The following ROBO1 variants were observed in gnomAD, a reference collection of about 807,000 sequenced individuals.
ROBO1 encodes roundabout guidance receptor 1.
A neutral mutation model predicts 195.9 loss-of-function variants in ROBO1; 149 were observed. The observed-to-expected ratio is 0.76, with a 90% CI of 0.67 to 0.87. The LOEUF (loss-of-function observed/expected upper bound fraction) is 0.87. ROBO1 is among the 40% of genes least tolerant of loss of function. The probability of loss-of-function intolerance (pLI) is 0.00; values close to 1 mark genes in which losing one functional copy is unlikely to be tolerated. For synonymous variants in ROBO1, 816 were observed against 733.2 expected, an observed-to-expected ratio of 1.11 and a Z score of -1.82; for missense variants, 1,933 against 2,068.3, an observed-to-expected ratio of 0.93 and a Z score of 1.27.
chr3:78,911,958 T>G (rs2038270629), intron 4 of ROBO1, among the ~76,000 whole-genome samples: 1 of 151,996 alleles, frequency 6.6e-6, no homozygotes, highest in South Asian at 2.1e-4. Context: ...ATACTGTAGT[T>G]TAAACAAGAG....
At chr3:78,852,909 C>T (rs909646186) in intron 4 of ROBO1, among the ~76,000 whole-genome samples, 3 of 152,010 alleles carry the variant, frequency 2.0e-5, no homozygotes, top group South Asian at 2.1e-4. Flanking sequence ...ATACTATTCA[C>T]GGTAGCCACT....
At chr3:79,250,455 T>C (rs1416793369) in intron 2 of ROBO1, among the ~76,000 whole-genome samples, 2 of 152,164 alleles carry the variant, frequency 1.3e-5, no homozygotes, top group African/African-American at 4.8e-5. Flanking sequence ...TTGTATATTC[T>C]TTACATCTGA....
At chr3:78,966,801 T>C (rs2076654262) in intron 3 of ROBO1, among the ~76,000 whole-genome samples, 1 of 152,214 alleles carries the variant, frequency 6.6e-6, no homozygotes, top group African/African-American at 2.4e-5. Context: ...GGACAAATGC[T>C]ACACTTCATC....
chr3:79,002,727 C>T (rs2077534098), intron 3 of ROBO1, among the ~76,000 whole-genome samples: 1 of 152,102 alleles, frequency 6.6e-6, no homozygotes, highest in Admixed American at 6.6e-5. Context: ...CTTTCAATTT[C>T]ATCTTTGCTT....
chr3:79,418,810 G>C (rs2106918886), intron 2 of ROBO1, among the ~76,000 whole-genome samples: 1 of 152,094 alleles, frequency 6.6e-6, no homozygotes, highest in South Asian at 2.1e-4. Flanking sequence ...AAACTTAGAA[G>C]ATAAATAAAA....
chr3:79,306,479 G>GGCCCTAACT (rs1235766906), intron 2 of ROBO1, among the ~76,000 whole-genome samples: 19 of 152,212 alleles, frequency 1.2e-4, no homozygotes, highest in Admixed American at 8.5e-4. Context: ...ATTTGTGATC[G>GGCCCTAACT]GCCCTAACTG....
In ROBO1 at chr3:79,233,649, G is replaced by A. The variant is rs564978210; in HGVS notation, c.89-108110C>T. 9.2e-5 allele frequency among the ~76,000 whole-genome samples: 14 copies of A among 152,076 alleles called. 1 individual carries two copies. The East Asian group carries it at 2.7e-3, about 29-fold the overall frequency. On this transcript the variant is annotated intron_variant, in intron 2 of 30. Transcript: ENST00000464233. The stretch of plus-strand genomic sequence containing the variant: ...GTGTAGCATTCTTGAATCAAGCAAG[G>A]CAACGGGAAGTCACATCCACTCACC...
At chr3:79,274,404 G>A (rs1021593037) in intron 2 of ROBO1, among the ~76,000 whole-genome samples, 14 of 151,872 alleles carry the variant, frequency 9.2e-5, no homozygotes, top group African/African-American at 3.1e-4. Flanking sequence ...AATGACCTGC[G>A]GGTCAATGAA....
intron 3 of ROBO1, among the ~76,000 whole-genome samples, chr3:79,080,649 T>C (rs2079255729): frequency 6.6e-6 from 1 of 152,040 alleles, no homozygotes; most frequent in Non-Finnish European, 1.5e-5. Flanking sequence ...TTAAAACATG[T>C]TTGATCCTTC....
chr3:79,037,533 A>G lies in ROBO1; in HGVS notation c.172+87923T>C, dbSNP rs149573871. ...TCTTTTTTGATGTCAGAAGGAATAA[A>G]TATTCATAAAACTTGTTGCAGAATT... On this transcript the variant is annotated intron_variant, in intron 3 of 30. Transcript: ENST00000464233. 3.9e-3 allele frequency among the ~76,000 whole-genome samples: 593 copies of G among 152,302 alleles called. 5 individuals carry two copies. The highest frequency in any genetic ancestry group is 0.014 in the African/African-American group (569 of 41,588).
intron 2 of ROBO1, among the ~76,000 whole-genome samples, chr3:79,584,278 A>ATATATC (rs1315647554): frequency 2.0e-5 from 3 of 146,894 alleles, no homozygotes; most frequent in Non-Finnish European, 4.5e-5. Flanking sequence ...ATATATATAT[A>ATATATC]TTACTACATA....
chr3:78,697,987 T>C (rs1355546222), intron 8 of ROBO1, among the ~76,000 whole-genome samples: 3 of 152,122 alleles, frequency 2.0e-5, no homozygotes, highest in Non-Finnish European at 4.4e-5. Flanking sequence ...AATTCATAGA[T>C]ATAAGTTTTC....
In ROBO1 at chr3:79,474,932, C is replaced by T. The variant is rs188051939; in HGVS notation, c.88+114892G>A. ...TTTGTTAATTTCTGTTCCTTAATTG[C>T]TAGGTGATTTTGGAAAAGGTAACGC... On this transcript the variant is annotated intron_variant, in intron 2 of 30. Coordinates refer to ENST00000464233, the MANE Select transcript of ROBO1 (RefSeq NM_002941.4). Among the ~76,000 whole-genome samples the T allele has an allele frequency of 3.3e-3, 497 of 152,022 alleles. 2 individuals are homozygous for T. Among genetic ancestry groups the T allele is most frequent in the African/African-American group, 0.011 (438 of 41,506 alleles).
rs1702896788 is a variant in ROBO1, at chr3:79,725,754, A to G, written c.-51+41998T>C. 1.3e-5 allele frequency among the ~76,000 whole-genome samples: 2 copies of G among 152,302 alleles called. 1 individual carries two copies. The highest frequency in any genetic ancestry group is 4.1e-4 in the South Asian group (2 of 4,828). On this transcript the variant is annotated intron_variant, in intron 1 of 30. Coordinates refer to ENST00000464233, the MANE Select transcript of ROBO1 (RefSeq NM_002941.4). Reference sequence around the variant, plus strand: ...TGTATGTCTTCTGTAATCTGCAGCTAAAAGCATCTTTACTGATAAGCTTGC... The same window carrying G: ...TGTATGTCTTCTGTAATCTGCAGCTGAAAGCATCTTTACTGATAAGCTTGC...
intron 2 of ROBO1, among the ~76,000 whole-genome samples, chr3:79,283,731 T>C (rs896374059): frequency 6.7e-6 from 1 of 150,240 alleles, no homozygotes; most frequent in African/African-American, 2.5e-5. Flanking sequence ...GGAGTCTCGC[T>C]CTGTCGCCCA....
At chr3:79,260,663 C>T (rs1180084058) in intron 2 of ROBO1, among the ~76,000 whole-genome samples, 1 of 152,148 alleles carries the variant, frequency 6.6e-6, no homozygotes, top group Non-Finnish European at 1.5e-5. Context: ...TTGAATCAGA[C>T]AGCAGAGCTG....
intron 2 of ROBO1, among the ~76,000 whole-genome samples, chr3:79,588,772 T>C (rs979856498): frequency 4.0e-5 from 6 of 151,714 alleles, no homozygotes; most frequent in African/African-American, 1.4e-4. Context: ...AATCATTAAA[T>C]GTATTTTATT....
intron 2 of ROBO1, among the ~76,000 whole-genome samples, chr3:79,509,679 G>A (rs759650585): frequency 1.1e-4 from 16 of 152,032 alleles, no homozygotes; most frequent in African/African-American, 3.9e-4. Flanking sequence ...AACACAAGCT[G>A]GATGTGTGAC....
At chr3:79,334,034 G>C (rs956912726) in intron 2 of ROBO1, among the ~76,000 whole-genome samples, 1 of 152,028 alleles carries the variant, frequency 6.6e-6, no homozygotes, top group Non-Finnish European at 1.5e-5. Flanking sequence ...GGCTGGGTGT[G>C]GTGGCTCACG....
Sources: gnomAD v4.1 joint callset for allele counts (sites outside exome capture counted in the v4.1 genomes callset) on GRCh38, gnomAD v4.1.1 for gene constraint, MANE v1.5 for transcripts, NCBI Gene and HGNC (gene_info 2026-07-23, HGNC 2026-07-21) for gene names.